MARCHF1: variants seen among roughly 807,000 people sequenced by gnomAD.
MARCHF1 encodes the protein E3 ubiquitin-protein ligase MARCHF1.
MARCHF1 carries 40 observed loss-of-function variants against 54.2 expected under a neutral mutation model. The observed-to-expected ratio is 0.74, with a 90% confidence interval of 0.57 to 0.96. The LOEUF is 0.96. Among genes scored for constraint, MARCHF1 ranks in the 40% least tolerant of loss-of-function variants. MARCHF1 has a pLI of 0.00. For synonymous variants in MARCHF1, 236 were observed against 236.3 expected, an observed-to-expected ratio of 1.00 and a Z score of 0.01; for missense variants, 586 against 656.5, an observed-to-expected ratio of 0.89 and a Z score of 1.17.
At chr4:163,843,352 C>T (rs1189065545) in intron 4 of MARCHF1, among the ~76,000 whole-genome samples, 1 of 151,790 alleles carries the variant, frequency 6.6e-6, no homozygotes, top group African/African-American at 2.4e-5. Flanking sequence ...TTTGGTAGTA[C>T]ACTTTATTTT....
chr4:163,811,859 A>G (rs943086505), intron 4 of MARCHF1, among the ~76,000 whole-genome samples: 48 of 152,154 alleles, frequency 3.2e-4, no homozygotes, highest in African/African-American at 1.2e-3. Context: ...TGACTGGGCC[A>G]TGGGATGTCT....
Position 164,348,015 on chromosome 4 carries a change from G to A in MARCHF1, c.-323+35855C>T, listed in dbSNP as rs188059340. ...TTTAAAAATTTAGTTGAGAAGGGAG[G>A]GCAGGCAGAATTAAATGATAAGCAT... On this transcript the variant is annotated intron_variant, in intron 1 of 9. Transcript: ENST00000514618. Among the ~76,000 whole-genome samples, 38 of 152,126 alleles carry A rather than the reference G, an allele frequency of 2.5e-4. 4 individuals carry two copies. The East Asian group carries it at 3.7e-3, about 15-fold the overall frequency.
At position 163,632,155 on chromosome 4, in the gene MARCHF1, A is replaced by C. The variant is rs1742110403; in HGVS notation, c.163-18762T>G. ...ATTGGTGGGAATGTATGGTGCAGTTACTCTGGAAAATATAGGTAGAATTAC... is the reference window on the plus strand; with the variant it reads ...ATTGGTGGGAATGTATGGTGCAGTTCCTCTGGAAAATATAGGTAGAATTAC... On this transcript the variant is annotated intron_variant, in intron 5 of 9. Transcript: ENST00000514618. Among the ~76,000 whole-genome samples the C allele has an allele frequency of 5.9e-5, 9 of 152,312 alleles. No individual in the cohort carries two copies. The South Asian group carries it at 1.9e-3, about 32-fold the overall frequency.
At chr4:163,810,981 TTTG>T (rs974170538) in intron 4 of MARCHF1, among the ~76,000 whole-genome samples, 45 of 152,194 alleles carry the variant, frequency 3.0e-4, no homozygotes, top group African/African-American at 1.0e-3. Context: ...AGAGGTACTT[TTTG>T]TTGTTGTTGT....
chr4:164,199,632 TCACACACACACACACACACACACACA>T (rs376565727), intron 1 of MARCHF1, among the ~76,000 whole-genome samples: 2 of 114,772 alleles, frequency 1.7e-5, no homozygotes, highest in East Asian at 3.0e-4. Flanking sequence ...CAGGACTCTG[TCACACACACACACACACACACACACA>T]CACACACACA....
Position 163,836,382 on chromosome 4 carries a change from A to G in MARCHF1, c.111+17639T>C, listed in dbSNP as rs199580833. ...TGCCTCAGCCTCCTGAATAGCTGGG[A>G]TTACAGGCACCCGCCACCACGCCCG... On this transcript the variant is annotated intron_variant, in intron 4 of 9. Transcript: ENST00000514618. Among the ~76,000 whole-genome samples the G allele has an allele frequency of 3.8e-3, 569 of 149,864 alleles. 19 individuals carry two copies. The East Asian group carries it at 0.098, about 26-fold the overall frequency.
At chr4:164,057,558 T>C (rs977986658) in intron 2 of MARCHF1, among the ~76,000 whole-genome samples, 1 of 152,216 alleles carries the variant, frequency 6.6e-6, no homozygotes, top group Non-Finnish European at 1.5e-5. Context: ...GCAGATTTTT[T>C]TTCTCATTTG....
chr4:164,092,183 T>C (rs1404220787), intron 2 of MARCHF1, among the ~76,000 whole-genome samples: 2 of 152,254 alleles, frequency 1.3e-5, no homozygotes, highest in Admixed American at 1.3e-4. Flanking sequence ...AGCCAGCCAC[T>C]GGGCACCAGG....
chr4:163,808,928 G>C (rs1748304823), intron 4 of MARCHF1, among the ~76,000 whole-genome samples: 1 of 152,148 alleles, frequency 6.6e-6, no homozygotes, highest in Admixed American at 6.6e-5. Context: ...TGTTGCTTGA[G>C]TAGTTGTCAG....
At chr4:164,317,182 T>C (rs1735021887) in intron 1 of MARCHF1, among the ~76,000 whole-genome samples, 2 of 152,224 alleles carry the variant, frequency 1.3e-5, no homozygotes, top group African/African-American at 4.8e-5. Context: ...CTAAATTATA[T>C]TATGTGCAAA....
intron 3 of MARCHF1, among the ~76,000 whole-genome samples, chr4:163,887,339 T>A (rs1349481815): frequency 1.3e-5 from 2 of 151,980 alleles, no homozygotes; most frequent in African/African-American, 4.8e-5. Flanking sequence ...TCAAAGAAAC[T>A]GGGAAAATGT....
intron 1 of MARCHF1, among the ~76,000 whole-genome samples, chr4:164,334,592 G>A (rs890600677): frequency 2.0e-5 from 3 of 152,028 alleles, no homozygotes; most frequent in African/African-American, 7.2e-5. Flanking sequence ...GAACTCTGAT[G>A]GAGATGTACA....
At chr4:164,017,734 T>C (rs1267544660) in intron 2 of MARCHF1, among the ~76,000 whole-genome samples, 2 of 151,570 alleles carry the variant, frequency 1.3e-5, no homozygotes, top group Non-Finnish European at 2.9e-5. Flanking sequence ...TAAATATATT[T>C]ATAGATTCAA....
At chr4:163,984,765 G>C (rs772057641) in intron 3 of MARCHF1, among the ~76,000 whole-genome samples, 1 of 152,136 alleles carries the variant, frequency 6.6e-6, no homozygotes, top group South Asian at 2.1e-4. Flanking sequence ...ATTAATTACA[G>C]CATAGTAAGT....
chr4:163,574,069 G>T (rs1382069720), intron 8 of MARCHF1, among the ~76,000 whole-genome samples: 3 of 151,664 alleles, frequency 2.0e-5, no homozygotes, highest in Non-Finnish European at 3.0e-5. Flanking sequence ...GCCAATGATG[G>T]TGAGCATTTT....
At position 164,080,648 on chromosome 4, in the gene MARCHF1, TTGTGTG is replaced by T. The variant is rs199734198; in HGVS notation, c.-248+30934_-248+30939del. The stretch of plus-strand genomic sequence containing the variant: ...TTCAAAGAAATCTAATAGTATTCTA[TTGTGTG>T]TGTGTGTGTGTGTGTGTATATATAT... On this transcript the variant is annotated intron_variant, in intron 2 of 9. Coordinates refer to ENST00000514618, the MANE Select transcript of MARCHF1 (RefSeq NM_001394959.1). Among the ~76,000 whole-genome samples the T allele has an allele frequency of 9.3e-5, 14 of 150,110 alleles. No homozygotes were observed. In the East Asian group the frequency reaches 2.8e-3, roughly 30 times the overall value.
intron 2 of MARCHF1, among the ~76,000 whole-genome samples, chr4:164,033,542 T>C (rs994156597): frequency 6.6e-6 from 1 of 152,160 alleles, no homozygotes; most frequent in East Asian, 1.9e-4. Flanking sequence ...AAAGGTCTAA[T>C]ATCCAGAATT....
At chr4:164,020,700 G>A (rs1753643856) in intron 2 of MARCHF1, among the ~76,000 whole-genome samples, 1 of 152,212 alleles carries the variant, frequency 6.6e-6, no homozygotes, top group Non-Finnish European at 1.5e-5. Context: ...GGGAGGCAAG[G>A]CAGGTAGATT....
intron 3 of MARCHF1, among the ~76,000 whole-genome samples, chr4:163,921,142 T>A (rs1244509871): frequency 6.6e-6 from 1 of 152,156 alleles, no homozygotes; most frequent in Non-Finnish European, 1.5e-5. Context: ...AAATATCAGA[T>A]AAGAAACTCA....
Sources: allele counts gnomAD v4.1 joint callset (sites outside exome capture counted in the v4.1 genomes callset), GRCh38; gene constraint gnomAD v4.1.1; transcripts MANE v1.5; gene names NCBI Gene and HGNC (gene_info 2026-07-23, HGNC 2026-07-21).